Variants in DLGAP2 observed in about 807,000 individuals in gnomAD.
The protein encoded by DLGAP2 is DLG associated protein 2, also known as disks large-associated protein 2.
A neutral mutation model predicts 100.3 loss-of-function variants in DLGAP2; 26 were observed. That is an observed-to-expected ratio of 0.26 (90% CI 0.19 to 0.36). The LOEUF (loss-of-function observed/expected upper bound fraction) is 0.36, where lower values mean the gene tolerates loss of function less well. Ranked by LOEUF, DLGAP2 falls within the 10% of genes least tolerant of loss-of-function variation. DLGAP2 has a pLI of 1.00. For missense variants in DLGAP2, 1,858 were observed against 1,453.2 expected (o/e 1.28, Z -4.53); for synonymous variants, 886 against 630.1 (o/e 1.41, Z -6.08).
chr8:1,080,322 C>T (rs571127273), intron 2 of DLGAP2, among the ~76,000 whole-genome samples: 43 of 152,358 alleles, frequency 2.8e-4, no homozygotes, highest in Admixed American at 5.2e-4. Context: ...GGGGGGCCGG[C>T]CTTTCCTCAA....
intron 3 of DLGAP2, among the ~76,000 whole-genome samples, chr8:1,320,629 A>G (rs993020434): frequency 2.0e-5 from 3 of 152,156 alleles, no homozygotes; most frequent in East Asian, 1.9e-4. Context: ...TTCTGGTCAT[A>G]TGGGACTAAT....
intron 8 of DLGAP2, among the ~76,000 whole-genome samples, chr8:1,651,351 C>T (rs1463155447): frequency 1.3e-5 from 2 of 152,198 alleles, no homozygotes; most frequent in African/African-American, 4.8e-5. Flanking sequence ...TGGTCACGTC[C>T]ACTTGGAAGT....
At chr8:845,174 A>T (rs938067331) in intron 1 of DLGAP2, among the ~76,000 whole-genome samples, 1 of 152,152 alleles carries the variant, frequency 6.6e-6, no homozygotes, top group Admixed American at 6.5e-5. Flanking sequence ...TCTCTTGGGT[A>T]TATACCTAGG....
chr8:1,549,733 A>G, intron 5 of DLGAP2, 50 bp downstream of exon 5: 1 of 1,462,678 alleles, frequency 6.8e-7, no homozygotes, highest in Non-Finnish European at 9.0e-7. Context: ...AGCAGGTGGT[A>G]TTGTCGTTAT....
At position 1,368,280 on chromosome 8, in the gene DLGAP2, ATG is replaced by A. The variant is rs996154219; in HGVS notation, c.106+109405_106+109406del. ...TGTGCGTGTGTGCAGGTATGTGTGT[ATG>A]TGTGTGTATTATGTGTATGTGCATG... On this transcript the variant is annotated intron_variant, in intron 3 of 14. Coordinates refer to ENST00000637795, the MANE Select transcript of DLGAP2 (RefSeq NM_001346810.2). Among the ~76,000 whole-genome samples, 7 of 151,222 alleles carry A rather than the reference ATG, an allele frequency of 4.6e-5. No individual in the cohort carries two copies. In the East Asian group the frequency reaches 7.8e-4, roughly 17 times the overall value.
intron 2 of DLGAP2, among the ~76,000 whole-genome samples, chr8:962,856 G>A (rs1300869119): frequency 1.3e-5 from 2 of 152,154 alleles, no homozygotes; most frequent in African/African-American, 4.8e-5. Flanking sequence ...GATGGCCTTC[G>A]TAGGATCCAT....
At chr8:1,305,358 A>G (rs1180951297) in intron 3 of DLGAP2, among the ~76,000 whole-genome samples, 1 of 152,130 alleles carries the variant, frequency 6.6e-6, no homozygotes, top group Admixed American at 6.5e-5. Context: ...CTTCAGCATT[A>G]TTTTGTTTGG....
chr8:1,174,062 T>G (rs2116684963), intron 2 of DLGAP2, among the ~76,000 whole-genome samples: 1 of 152,274 alleles, frequency 6.6e-6, no homozygotes, highest in East Asian at 1.9e-4. Context: ...CAGCTATGCC[T>G]GGGCTGTTGT....
chr8:850,994 A>G (rs1050505848), intron 1 of DLGAP2, among the ~76,000 whole-genome samples: 11 of 152,316 alleles, frequency 7.2e-5, no homozygotes, highest in Non-Finnish European at 8.8e-5. Flanking sequence ...TATGTGATGA[A>G]CAAGTAGAGA....
intron 3 of DLGAP2, among the ~76,000 whole-genome samples, chr8:1,316,148 C>A (rs535170653): frequency 1.7e-5 from 2 of 120,682 alleles, no homozygotes; most frequent in Admixed American, 1.8e-4. Flanking sequence ...TGCAGCGTCT[C>A]CCCAACAGTG....
chr8:1,603,078 G>T (rs1796678643), intron 6 of DLGAP2, among the ~76,000 whole-genome samples: 1 of 152,030 alleles, frequency 6.6e-6, no homozygotes, highest in Non-Finnish European at 1.5e-5. Context: ...GTGGAAGCTG[G>T]GTCTCAGTTC....
chr8:1,370,225 C>T (rs1272596766), intron 3 of DLGAP2, among the ~76,000 whole-genome samples: 3 of 152,106 alleles, frequency 2.0e-5, no homozygotes, highest in South Asian at 2.1e-4. Context: ...ACTCTGAAGG[C>T]AGGTAGAAAA....
intron 2 of DLGAP2, among the ~76,000 whole-genome samples, chr8:942,044 C>G (rs758205777): frequency 1.3e-5 from 2 of 152,090 alleles, no homozygotes; most frequent in African/African-American, 2.4e-5. Flanking sequence ...AGGCTGGTCT[C>G]GAATTCTAGG....
intron 6 of DLGAP2, among the ~76,000 whole-genome samples, chr8:1,593,225 C>T (rs1236129167): frequency 6.6e-6 from 1 of 151,974 alleles, no homozygotes; most frequent in Admixed American, 6.6e-5. Flanking sequence ...GAGACCAAGG[C>T]GGGTGGATCA....
At chr8:1,389,223 G>T (rs1254992698) in intron 3 of DLGAP2, among the ~76,000 whole-genome samples, 3 of 152,072 alleles carry the variant, frequency 2.0e-5, no homozygotes, top group Admixed American at 6.5e-5. Context: ...ATAATGGGAG[G>T]AGCGGTACTC....
intron 2 of DLGAP2, among the ~76,000 whole-genome samples, chr8:1,135,784 A>G (rs1214599292): frequency 6.6e-6 from 1 of 152,184 alleles, no homozygotes; most frequent in African/African-American, 2.4e-5. Flanking sequence ...TGAGCTGGTG[A>G]TATTTCTGGT....
intron 3 of DLGAP2, among the ~76,000 whole-genome samples, chr8:1,499,211 C>G (rs1028844836): frequency 7.9e-5 from 12 of 152,368 alleles, no homozygotes; most frequent in African/African-American, 2.9e-4. Flanking sequence ...AAGCACGTGG[C>G]TTTGCTAAAC....
chr8:1,650,633 C>T (rs1020525752), intron 8 of DLGAP2, among the ~76,000 whole-genome samples: 7 of 152,274 alleles, frequency 4.6e-5, no homozygotes, highest in African/African-American at 1.7e-4. Context: ...TCAGAATCTG[C>T]ATCTGCATTT....
chr8:1,347,949 A>G (rs1585284370), intron 3 of DLGAP2, among the ~76,000 whole-genome samples: 1 of 151,212 alleles, frequency 6.6e-6, no homozygotes, highest in Non-Finnish European at 1.5e-5. Context: ...TTGAGTTCCC[A>G]TACAGAGCTA....
Sources: allele counts gnomAD v4.1 joint callset (sites outside exome capture counted in the v4.1 genomes callset), GRCh38; gene constraint gnomAD v4.1.1; transcripts MANE v1.5; gene names NCBI Gene and HGNC (gene_info 2026-07-23, HGNC 2026-07-21).